The following NFATC2IP variants were observed in gnomAD, a reference collection of about 807,000 sequenced individuals.
NFATC2IP encodes nuclear factor of activated T cells 2 interacting protein, also known as NFATC2-interacting protein.
A neutral mutation model predicts 40.2 loss-of-function variants in NFATC2IP; 25 were observed. The ratio of observed to expected loss-of-function variants is 0.62; its 90% confidence interval spans 0.45 to 0.87. The LOEUF (loss-of-function observed/expected upper bound fraction) is 0.87, where lower values mean the gene tolerates loss of function less well. Among genes scored for constraint, NFATC2IP ranks in the 40% least tolerant of loss-of-function variants. The pLI, the probability that NFATC2IP is intolerant of heterozygous loss-of-function variation, is 0.00. For synonymous variants in NFATC2IP, 241 were observed against 236.3 expected (o/e 1.02, Z -0.18); for missense variants, 553 against 555.6 (o/e 1.00, Z 0.05).
chr16:28,956,487 C>G, intron 5 of NFATC2IP, 150 bp downstream of exon 5: 1 of 617,162 alleles, frequency 1.6e-6, no homozygotes, highest in Non-Finnish European at 2.8e-6. Context: ...GTCTGTCCTG[C>G]CTTCACACTT....
At chr16:28,957,994 A>G (rs1156972875) in intron 5 of NFATC2IP, among the ~76,000 whole-genome samples, 1 of 152,036 alleles carries the variant, frequency 6.6e-6, no homozygotes, top group African/African-American at 2.4e-5. Flanking sequence ...TTAGCTGGGC[A>G]TGGTGCCACT....
chr16:28,953,893 G>T (rs1447131187), intron 2 of NFATC2IP, among the ~76,000 whole-genome samples: 2 of 151,094 alleles, frequency 1.3e-5, no homozygotes, highest in Admixed American at 6.6e-5. Context: ...ACTCCAACCT[G>T]GGTGACACAG....
chr16:28,953,043 T>C (rs1204751260), intron 2 of NFATC2IP, among the ~76,000 whole-genome samples: 1 of 150,772 alleles, frequency 6.6e-6, no homozygotes, highest in African/African-American at 2.4e-5. Flanking sequence ...GCCTCAGCTC[T>C]ATCTCTTAAT....
intron 7 of NFATC2IP, among the ~76,000 whole-genome samples, chr16:28,962,226 C>T (rs531745590): frequency 6.6e-6 from 1 of 152,258 alleles, no homozygotes; most frequent in African/African-American, 2.4e-5. Context: ...GTTTAATTTG[C>T]TAGAGCAGCT....
At position 28,951,392 on chromosome 16, in the gene NFATC2IP, G is replaced by A; in HGVS notation, c.381G>A (p.Ser127=). 1.4e-6 allele frequency: 2 copies of A among 1,398,870 alleles called. No individual in the cohort carries two copies. Among genetic ancestry groups the A allele is most frequent in the Non-Finnish European group, 1.9e-6 (2 of 1,080,066 alleles). 86.7% of individuals were successfully genotyped at this position (1,398,870 alleles called of 1,614,324 possible). A position where few individuals can be genotyped will look rare whatever the true frequency, so the allele number is the denominator to read the frequency against. Residue 127 remains serine (S), a synonymous_variant, in exon 1 of 8, where the codon TCG becomes TCA. Transcript: ENST00000320805. ...PGEAPLVPVY[S]GKVKSSLRLI... ...AGGCGCCGCTGGTTCCGGTGTACTC[G>A]GGGAAGGTGCGCCCGGTCCCGGGGA...
chr16:28,962,085 T>G (rs1263081454), intron 7 of NFATC2IP, among the ~76,000 whole-genome samples: 2 of 151,862 alleles, frequency 1.3e-5, no homozygotes, highest in South Asian at 2.1e-4. Context: ...TTAATTTTTT[T>G]TGTGTAGACG....
intron 5 of NFATC2IP, among the ~76,000 whole-genome samples, chr16:28,958,157 TAAG>T (rs1965042009): frequency 6.6e-6 from 1 of 150,588 alleles, no homozygotes; most frequent in Admixed American, 6.6e-5. Context: ...TCTTAAAAAA[TAAG>T]AAGATGTGGC....
chr16:28,953,737 A>T (rs946606066), intron 2 of NFATC2IP, among the ~76,000 whole-genome samples: 1 of 151,960 alleles, frequency 6.6e-6, no homozygotes, highest in Non-Finnish European at 1.5e-5. Flanking sequence ...GCGCAACATG[A>T]TGAGACCCTG....
In NFATC2IP at chr16:28,964,826, G is replaced by C. The variant is rs1483409734; in HGVS notation, c.*963G>C. ...GACCTGCCATGTGGCACTCCACAAT[G>C]TCAATTGCAGTTTACACACATTGCC... On this transcript the variant is annotated 3_prime_UTR_variant, in exon 8 of 8. Transcript: ENST00000320805. The C allele has an allele frequency of 2.0e-5, 3 of 152,232 alleles. No individual in the cohort carries two copies. The highest frequency in any genetic ancestry group is 7.2e-5 in the African/African-American group (3 of 41,458). 9.4% of individuals were successfully genotyped at this position (152,232 alleles called of 1,614,324 possible).
At chr16:28,960,227 A>G (rs1218627941) in intron 7 of NFATC2IP, among the ~76,000 whole-genome samples, 1 of 152,134 alleles carries the variant, frequency 6.6e-6, no homozygotes, top group African/African-American at 2.4e-5. Flanking sequence ...TATATCTGCA[A>G]AGTCCCTACT....
At chr16:28,953,435 A>G (rs1262113370) in intron 2 of NFATC2IP, among the ~76,000 whole-genome samples, 1 of 152,208 alleles carries the variant, frequency 6.6e-6, no homozygotes, top group African/African-American at 2.4e-5. Context: ...GGATAATAGT[A>G]GACCCCATTT....
At position 28,955,063 on chromosome 16, in the gene NFATC2IP, G is replaced by A. The variant is rs148867908; in HGVS notation, c.578+381G>A. ...AAAAAAATTAGCCTGGCATGGTGGC[G>A]CATGCCTGTGATCCCAGCTGCTCGG... On this transcript the variant is annotated intron_variant, in intron 3 of 7. Transcript: ENST00000320805. 1.7e-3 allele frequency among the ~76,000 whole-genome samples: 266 copies of A among 152,162 alleles called. 3 individuals are homozygous for A. Among genetic ancestry groups the A allele is most frequent in the African/African-American group, 6.2e-3 (258 of 41,510 alleles).
At position 28,952,114 on chromosome 16, in the gene NFATC2IP, CCTT is replaced by C. The variant is rs779275666; in HGVS notation, c.388-14_388-12del. 3.1e-6 allele frequency: 5 copies of C among 1,613,768 alleles called. No homozygotes were observed. Among genetic ancestry groups the C allele is most frequent in the Middle Eastern group, 1.7e-4 (1 of 6,056 alleles). On this transcript the variant is annotated splice_polypyrimidine_tract_variant and intron_variant, in intron 1 of 7. Transcript: ENST00000320805. ...GAAGGACTTGGGCCTGACCCCTCTC[CCTT>C]CTTTGTCTTTGCAGGTTAAAAGCAG...
At chr16:28,951,455 G>C (rs1282632581) in intron 1 of NFATC2IP, 57 bp downstream of exon 1, 11 of 1,349,456 alleles carry the variant, frequency 8.2e-6, no homozygotes, top group Non-Finnish European at 1.0e-5. Flanking sequence ...GGCCTCCAGG[G>C]AGGGGCCGGC....
At chr16:28,959,970 G>C (rs1431337608) in intron 7 of NFATC2IP, among the ~76,000 whole-genome samples, 2 of 152,170 alleles carry the variant, frequency 1.3e-5, no homozygotes, top group Non-Finnish European at 2.9e-5. Context: ...CTAGAAGTCT[G>C]AATTGAAGGT....
Position 28,952,193 on chromosome 16 carries a change from G to C in NFATC2IP, c.449G>C (p.Gly150Ala). 6 of 1,613,584 alleles carry C rather than the reference G, an allele frequency of 3.7e-6. No individual in the cohort carries two copies. Among genetic ancestry groups the C allele is most frequent in the Non-Finnish European group, 5.1e-6 (6 of 1,179,626 alleles). Residue 150 changes from glycine (G) to alanine (A), a missense_variant, in exon 2 of 8, where the codon GGG (glycine) becomes GCG (alanine). Transcript: ENST00000320805. ...TCCCTCCTGAAACTCTACCCTCCAG[G>C]GGATGAGGAAGGTAAGGGAGGGCCT... is the stretch of plus-strand genomic sequence containing the variant. ...DLSLLKLYPP[G>A]DEEEAELADS...
Position 28,959,051 on chromosome 16 carries a change from G to T in NFATC2IP, c.1052G>T (p.Arg351Leu). The change falls in exon 7 of 8, where the codon CGG (arginine) becomes CTG (leucine). Residue 351 changes from arginine to leucine, a missense_variant. Coordinates refer to ENST00000320805, the MANE Select transcript of NFATC2IP (RefSeq NM_032815.4). Reference sequence around the variant, plus strand: ...GAGACGTCCCAACAGCTCCAGCTCCGGGTGCAGGGAAAGGAGAAACACCAG... The same window carrying T: ...GAGACGTCCCAACAGCTCCAGCTCCTGGTGCAGGGAAAGGAGAAACACCAG... The part of the protein sequence containing the change: ...ATETSQQLQL[R>L]VQGKEKHQTL... 3 of 1,613,964 alleles carry T rather than the reference G, an allele frequency of 1.9e-6. No homozygotes were observed. The highest frequency in any genetic ancestry group is 2.2e-5 in the South Asian group (2 of 91,040).
chr16:28,953,804 G>A (rs1353804214), intron 2 of NFATC2IP, among the ~76,000 whole-genome samples: 1 of 151,924 alleles, frequency 6.6e-6, no homozygotes, highest in African/African-American at 2.4e-5. Context: ...TGTAGTCCTA[G>A]CTACTCAGGA....
At chr16:28,952,817 G>A (rs1364705366) in intron 2 of NFATC2IP, among the ~76,000 whole-genome samples, 1 of 149,990 alleles carries the variant, frequency 6.7e-6, no homozygotes, top group Non-Finnish European at 1.5e-5. Flanking sequence ...ATCTCGGCTC[G>A]CTGCAACCTC....
Sources: allele counts gnomAD v4.1 joint callset (sites outside exome capture counted in the v4.1 genomes callset), GRCh38; gene constraint gnomAD v4.1.1; transcripts MANE v1.5; gene names NCBI Gene and HGNC (gene_info 2026-07-23, HGNC 2026-07-21).